The following PIK3C3 variants were observed in gnomAD, a reference collection of about 807,000 sequenced individuals.
The protein encoded by PIK3C3 is phosphatidylinositol 3-kinase catalytic subunit type 3.
Under a neutral mutation model 126.1 loss-of-function variants are expected in PIK3C3, and 95 were observed. The observed-to-expected ratio is 0.75, with a 90% confidence interval of 0.64 to 0.89. PIK3C3 has a LOEUF of 0.89. Among genes scored for constraint, PIK3C3 ranks in the 40% least tolerant of loss-of-function variants. PIK3C3 has a pLI of 0.00. For synonymous variants in PIK3C3, 374 were observed against 360.0 expected, an observed-to-expected ratio of 1.04 and a Z score of -0.44; for missense variants, 829 against 1,063.2, an observed-to-expected ratio of 0.78 and a Z score of 3.06.
intron 21 of PIK3C3, among the ~76,000 whole-genome samples, chr18:42,055,699 C>T (rs1985032199): frequency 6.6e-6 from 1 of 151,872 alleles, no homozygotes; most frequent in Admixed American, 6.6e-5. Context: ...TTATAAGGAA[C>T]AGCAGAAGAA....
chr18:42,000,776 T>A (rs1982249623), intron 9 of PIK3C3, among the ~76,000 whole-genome samples: 1 of 152,252 alleles, frequency 6.6e-6, no homozygotes. Context: ...AAACTCCCCC[T>A]TATATAGCCA....
chr18:42,020,588 C>T lies in PIK3C3; in HGVS notation c.1417-50C>T, dbSNP rs777516960. 11 of 1,145,668 alleles carry T rather than the reference C, an allele frequency of 9.6e-6. 1 individual carries two copies. The South Asian group carries it at 1.5e-4, about 16-fold the overall frequency. 71.0% of individuals were successfully genotyped at this position (1,145,668 alleles called of 1,614,324 possible). ...CAAATGTAAACTTACTTATTTTCCC[C>T]CATTACTAGTAGATGATAATATATA... On this transcript the variant is annotated intron_variant, in intron 12 of 24. Transcript: ENST00000262039.
chr18:41,990,941 T>C (rs1415675376), intron 6 of PIK3C3, among the ~76,000 whole-genome samples: 1 of 152,170 alleles, frequency 6.6e-6, no homozygotes, highest in Non-Finnish European at 1.5e-5. Context: ...GTCTGTTTGT[T>C]ATTTGAGTGT....
intron 2 of PIK3C3, among the ~76,000 whole-genome samples, chr18:41,959,158 T>C (rs998416502): frequency 2.6e-5 from 4 of 152,286 alleles, no homozygotes; most frequent in Admixed American, 1.3e-4. Flanking sequence ...CCTATTACTC[T>C]CAGAAGAGTT....
At chr18:42,007,855 C>T (rs1982625290) in intron 10 of PIK3C3, among the ~76,000 whole-genome samples, 1 of 152,118 alleles carries the variant, frequency 6.6e-6, no homozygotes, top group Non-Finnish European at 1.5e-5. Flanking sequence ...CAATATTCAT[C>T]TTTGTCTTGT....
At position 42,066,322 on chromosome 18, in the gene PIK3C3, G is replaced by T. The variant is rs1486638211; in HGVS notation, c.2524-1066G>T. On this transcript the variant is annotated intron_variant, in intron 23 of 24. Transcript: ENST00000262039. ...CACTGAGCTGGGGCTATGGATTGTTGCACTGTTTGTCATTTCTTCTTTGTA... is the reference window on the plus strand; with the variant it reads ...CACTGAGCTGGGGCTATGGATTGTTTCACTGTTTGTCATTTCTTCTTTGTA... Among the ~76,000 whole-genome samples, 4 of 152,130 alleles carry T rather than the reference G, an allele frequency of 2.6e-5. No homozygotes were observed. The East Asian group carries it at 7.7e-4, about 29-fold the overall frequency.
At chr18:42,022,921 G>T (rs1983391253) in intron 13 of PIK3C3, among the ~76,000 whole-genome samples, 1 of 151,898 alleles carries the variant, frequency 6.6e-6, no homozygotes, top group Admixed American at 6.6e-5. Context: ...AATATTTAAG[G>T]ATATGTCTTG....
At chr18:41,993,948 G>A (rs1285502446) in intron 7 of PIK3C3, among the ~76,000 whole-genome samples, 1 of 152,060 alleles carries the variant, frequency 6.6e-6, no homozygotes, top group African/African-American at 2.4e-5. Context: ...CAAACTTGTA[G>A]GCACAAAATC....
intron 24 of PIK3C3, among the ~76,000 whole-genome samples, chr18:42,068,747 G>T (rs528774997): frequency 6.6e-6 from 1 of 151,978 alleles, no homozygotes. Context: ...TCAGGAGATC[G>T]AGACCATCCT....
At position 41,957,564 on chromosome 18, in the gene PIK3C3, T is replaced by C; in HGVS notation, c.69-6T>C. ...GTCTGAAACATTGTTGGTCTTGTGC[T>C]TTCAGAGGAAGCTTGGAAGGGAAGA... On this transcript the variant is annotated splice_region_variant and splice_polypyrimidine_tract_variant and intron_variant, in intron 1 of 24. Coordinates refer to ENST00000262039, the MANE Select transcript of PIK3C3 (RefSeq NM_002647.4). 6.2e-7 allele frequency: 1 copy of C among 1,605,056 alleles called. No individual in the cohort carries two copies. The highest frequency in any genetic ancestry group is 8.5e-7 in the Non-Finnish European group (1 of 1,177,908).
In PIK3C3 at chr18:41,955,298, G is replaced by A. The variant is rs745835818; in HGVS notation, c.7G>A (p.Glu3Lys). MG[E>K]AEKFHYIYSC... ...TACCTTTGCAGACGGTGCGATGGGG[G>A]AAGCAGAGAAGTTTCACTACATCTA... Residue 3 changes from glutamate to lysine, a missense_variant, in exon 1 of 25, where the codon GAA becomes AAA. By Grantham distance (56) the Glu-to-Lys change is moderately conservative (BLOSUM62 1). Coordinates refer to ENST00000262039, the MANE Select transcript of PIK3C3 (RefSeq NM_002647.4). 2 of 1,613,102 alleles carry A rather than the reference G, an allele frequency of 1.2e-6. No individual in the cohort carries two copies. The highest frequency in any genetic ancestry group is 2.2e-5 in the East Asian group (1 of 44,782).
At chr18:42,044,060 G>A (rs1357399950) in intron 20 of PIK3C3, among the ~76,000 whole-genome samples, 1 of 152,098 alleles carries the variant, frequency 6.6e-6, no homozygotes, top group Non-Finnish European at 1.5e-5. Flanking sequence ...TATAATCACA[G>A]TTTATCTCTT....
At position 42,060,930 on chromosome 18, in the gene PIK3C3, T is replaced by A. The variant is rs117919311; in HGVS notation, c.2432+2879T>A. On this transcript the variant is annotated intron_variant, in intron 22 of 24. Transcript: ENST00000262039. ...GCTTCCCCTCTTTGAAGTAGTACACTTATTGAATAACACTTTCACAGGAAC... is the reference window on the plus strand; with the variant it reads ...GCTTCCCCTCTTTGAAGTAGTACACATATTGAATAACACTTTCACAGGAAC... 7.2e-5 allele frequency among the ~76,000 whole-genome samples: 11 copies of A among 152,334 alleles called. No individual in the cohort carries two copies. In the East Asian group the frequency reaches 2.1e-3, roughly 29 times the overall value.
At chr18:41,955,630 G>T (rs1282789430) in intron 1 of PIK3C3, among the ~76,000 whole-genome samples, 1 of 152,216 alleles carries the variant, frequency 6.6e-6, no homozygotes, top group Non-Finnish European at 1.5e-5. Flanking sequence ...TAAAGTTTTT[G>T]CTGTTCAGCC....
intron 16 of PIK3C3, among the ~76,000 whole-genome samples, chr18:42,034,300 C>A (rs951679428): frequency 6.6e-6 from 1 of 152,090 alleles, no homozygotes; most frequent in Non-Finnish European, 1.5e-5. Flanking sequence ...GCAGTCTTCC[C>A]ACCTCAGCCT....
intron 5 of PIK3C3, among the ~76,000 whole-genome samples, chr18:41,988,164 C>T (rs537182048): frequency 6.6e-6 from 1 of 152,196 alleles, no homozygotes; most frequent in African/African-American, 2.4e-5. Flanking sequence ...GACTTAATGC[C>T]TCAGTGGTGT....
intron 1 of PIK3C3, among the ~76,000 whole-genome samples, chr18:41,956,676 G>A (rs968061822): frequency 2.3e-4 from 34 of 151,094 alleles, no homozygotes; most frequent in African/African-American, 8.3e-4. Context: ...TCTATCTGGG[G>A]TACTAAGTCC....
At chr18:41,971,344 ATC>A (rs1392291821) in intron 4 of PIK3C3, 1 of 152,128 alleles carries the variant, frequency 6.6e-6, no homozygotes, top group Non-Finnish European at 1.5e-5. Context: ...TATAGAAGAA[ATC>A]TTCAAGAATA....
In PIK3C3 at chr18:41,972,500, TGA is replaced by T. The variant is rs1274126487; in HGVS notation, c.531+2048_531+2049del. On this transcript the variant is annotated intron_variant, in intron 4 of 24. Transcript: ENST00000262039. ...TCTTTAAAATGGGAATAAAAATTAA[TGA>T]GAGTGAGCAGCTTACAGTCCTCCTG... Among the ~76,000 whole-genome samples, 9 of 152,252 alleles carry T rather than the reference TGA, an allele frequency of 5.9e-5. No homozygotes were observed. The East Asian group carries it at 1.5e-3, about 26-fold the overall frequency.
Sources: gnomAD v4.1 joint callset for allele counts (sites outside exome capture counted in the v4.1 genomes callset) on GRCh38, gnomAD v4.1.1 for gene constraint, MANE v1.5 for transcripts, NCBI Gene and HGNC (gene_info 2026-07-23, HGNC 2026-07-21) for gene names.